The following FCHSD2 variants were observed in gnomAD, a reference collection of about 807,000 sequenced individuals.
FCHSD2 encodes the protein F-BAR and double SH3 domains protein 2.
Under a neutral mutation model 108.1 loss-of-function variants are expected in FCHSD2, and 38 were observed. The observed-to-expected ratio is 0.35, with a 90% CI of 0.27 to 0.46. The LOEUF (loss-of-function observed/expected upper bound fraction) is 0.46. Among genes scored for constraint, FCHSD2 ranks in the 20% least tolerant of loss-of-function variants. The pLI is 1.00. For missense variants in FCHSD2, 751 were observed against 897.8 expected (o/e 0.84, Z 2.09); for synonymous variants, 279 against 314.7 (o/e 0.89, Z 1.20).
rs772072509 is a variant in FCHSD2 at position 73,039,028 on chromosome 11, C to G, written c.166-23143G>C. Among the ~76,000 whole-genome samples, 9 of 152,108 alleles carry G rather than the reference C, an allele frequency of 5.9e-5. 1 individual carries two copies. Among genetic ancestry groups the G allele is most frequent in the Non-Finnish European group, 1.3e-4 (9 of 68,014 alleles). On this transcript the variant is annotated intron_variant, in intron 3 of 19. Coordinates refer to ENST00000409418, the MANE Select transcript of FCHSD2 (RefSeq NM_014824.3). ...TCAACTTAGTATCTTCCAAGTGTAT[C>G]TCCTTACTTCTTTCTAATATTACTT...
intron 2 of FCHSD2, among the ~76,000 whole-genome samples, chr11:73,084,214 A>C (rs1859762414): frequency 6.6e-6 from 1 of 152,226 alleles, no homozygotes. Context: ...AAACAATGTG[A>C]AAATCAAATT....
At chr11:72,957,438 G>A (rs1856735731) in intron 8 of FCHSD2, among the ~76,000 whole-genome samples, 1 of 150,430 alleles carries the variant, frequency 6.6e-6, no homozygotes. Flanking sequence ...TATCATTGTT[G>A]GACATTTGGG....
chr11:72,978,781 C>T (rs982508331), intron 8 of FCHSD2, among the ~76,000 whole-genome samples: 2 of 151,984 alleles, frequency 1.3e-5, no homozygotes, highest in African/African-American at 4.8e-5. Context: ...TTCCTGAGGC[C>T]TCCCCAGCCA....
rs958273250 is a variant in FCHSD2, at chr11:72,843,198, G to C, written c.1658C>G (p.Ser553Cys). The C allele has an allele frequency of 3.7e-6, 6 of 1,614,030 alleles. No individual in the cohort carries two copies. In the Middle Eastern group the frequency reaches 8.2e-4, roughly 222 times the overall value. The part of the protein sequence containing the change: ...LDSRSHTSSN[S>C]TEAELVSGSL... ...GCCTGAAACGAGTTCTGCTTCCGTG[G>C]AATTGCTGGACGTGTGTGACCGACT... The change falls in exon 16 of 20, where the codon TCC becomes TGC. Residue 553 changes from serine to cysteine, a missense_variant. Transcript: ENST00000409418.
At chr11:73,093,153 T>C (rs1859996255) in intron 2 of FCHSD2, among the ~76,000 whole-genome samples, 1 of 152,162 alleles carries the variant, frequency 6.6e-6, no homozygotes, top group Non-Finnish European at 1.5e-5. Context: ...GTGCATACTG[T>C]CACACATCAT....
At position 72,984,140 on chromosome 11, in the gene FCHSD2, G is replaced by A. The variant is rs767103870; in HGVS notation, c.653C>T (p.Ala218Val). The change falls in exon 8 of 20, where the codon GCA becomes GTA. Residue 218 changes from alanine to valine, a missense_variant. Coordinates refer to ENST00000409418, the MANE Select transcript of FCHSD2 (RefSeq NM_014824.3). ...RNDYLLTLAAANAHQDRYYQT... is the reference protein window; with the variant it reads ...RNDYLLTLAAVNAHQDRYYQT... The stretch of plus-strand genomic sequence containing the variant: ...ATAGTAGCGATCCTGATGTGCATTT[G>A]CTGCCGCTAGGGTAAGAAGATAATC... The A allele has an allele frequency of 1.2e-6, 2 of 1,613,304 alleles. No homozygotes were observed. Among genetic ancestry groups the A allele is most frequent in the East Asian group, 2.2e-5 (1 of 44,872 alleles).
chr11:72,902,923 T>C (rs1345992296), intron 9 of FCHSD2, among the ~76,000 whole-genome samples: 1 of 152,118 alleles, frequency 6.6e-6, no homozygotes, highest in African/African-American at 2.4e-5. Flanking sequence ...AGAAGATAGT[T>C]TTTACACAAA....
chr11:73,131,529 A>G (rs973305529), intron 2 of FCHSD2, among the ~76,000 whole-genome samples: 4 of 149,990 alleles, frequency 2.7e-5, no homozygotes, highest in Non-Finnish European at 6.0e-5. Flanking sequence ...ACTTCGTCTC[A>G]AAAAAAATAA....
At chr11:73,036,180 A>G (rs1447484785) in intron 3 of FCHSD2, among the ~76,000 whole-genome samples, 1 of 152,166 alleles carries the variant, frequency 6.6e-6, no homozygotes, top group Non-Finnish European at 1.5e-5. Flanking sequence ...TTGACTTCCA[A>G]GCTTCCCAGT....
chr11:72,966,008 C>T (rs746107271), intron 8 of FCHSD2, among the ~76,000 whole-genome samples: 2 of 151,780 alleles, frequency 1.3e-5, no homozygotes, highest in Non-Finnish European at 2.9e-5. Flanking sequence ...AACAATGAGG[C>T]AAGAGAAGAA....
At position 72,907,599 on chromosome 11, in the gene FCHSD2, GTTTTTTTT is replaced by G. The variant is rs35079551; in HGVS notation, c.829-4969_829-4962del. 1.7e-5 allele frequency among the ~76,000 whole-genome samples: 2 copies of G among 114,664 alleles called. 1 individual carries two copies. The highest frequency in any genetic ancestry group is 2.2e-4 in the Admixed American group (2 of 9,184). 75.2% of individuals were successfully genotyped at this position (114,664 alleles called of 152,430 possible). A position where few individuals can be genotyped will look rare whatever the true frequency, so the allele number is the denominator to read the frequency against. On this transcript the variant is annotated intron_variant, in intron 9 of 19. Transcript: ENST00000409418. ...TGCATCTATTGAGATAATCACGTGG[GTTTTTTTT>G]TTTTTTTTTTTTCTTGAGACGGAGT... is the stretch of plus-strand genomic sequence containing the variant.
intron 3 of FCHSD2, among the ~76,000 whole-genome samples, chr11:73,065,785 C>G (rs951541410): frequency 2.6e-5 from 4 of 152,036 alleles, no homozygotes; most frequent in Non-Finnish European, 5.9e-5. Flanking sequence ...ACCTAGGAAT[C>G]CAACTTACAA....
chr11:73,027,405 C>T (rs1858253994), intron 3 of FCHSD2, among the ~76,000 whole-genome samples: 1 of 152,102 alleles, frequency 6.6e-6, no homozygotes, highest in Admixed American at 6.6e-5. Flanking sequence ...GGGTATCTGG[C>T]AGAAGAAATT....
chr11:73,101,389 G>A (rs140830158), intron 2 of FCHSD2, among the ~76,000 whole-genome samples: 1 of 152,238 alleles, frequency 6.6e-6, no homozygotes, highest in Non-Finnish European at 1.5e-5. Flanking sequence ...CTGTACTGAG[G>A]TGGGAACTAC....
chr11:73,141,835 A>G (rs1193656952), intron 1 of FCHSD2, 22 bp downstream of exon 1: 5 of 1,542,282 alleles, frequency 3.2e-6, no homozygotes, highest in Non-Finnish European at 4.4e-6. Flanking sequence ...CGAACCCCAA[A>G]GCCCCCCAGC....
intron 12 of FCHSD2, among the ~76,000 whole-genome samples, chr11:72,874,613 A>C (rs1480973741): frequency 6.6e-6 from 1 of 152,228 alleles, no homozygotes; most frequent in Admixed American, 6.5e-5. Flanking sequence ...AAAAGAGAGA[A>C]GTATTCACTA....
intron 5 of FCHSD2, among the ~76,000 whole-genome samples, chr11:72,995,329 G>A (rs1399453188): frequency 6.6e-6 from 1 of 152,098 alleles, no homozygotes; most frequent in Non-Finnish European, 1.5e-5. Context: ...ATAAAGAAGT[G>A]CTAAACATTC....
rs1422559933 is a variant in FCHSD2, at chr11:72,840,896, G to A, written c.2120C>T (p.Ser707Leu). The A allele has an allele frequency of 1.2e-6, 2 of 1,612,210 alleles. No individual in the cohort carries two copies. Among genetic ancestry groups the A allele is most frequent in the African/African-American group, 2.7e-5 (2 of 74,932 alleles). ...SQASRHTPET[S>L]YGKLRPVRAA... ...ACTTACAGGTCGCAGTTTGCCATAT[G>A]AGGTCTCAGGAGTATGCCTTGATGC... The change falls in exon 19 of 20, where the codon TCA becomes TTA. Residue 707 changes from serine (S) to leucine (L), a missense_variant. Ser to Leu is a moderately radical substitution (Grantham distance 145). Coordinates refer to ENST00000409418, the MANE Select transcript of FCHSD2 (RefSeq NM_014824.3).
At chr11:72,888,672 T>G (rs7945119) in intron 11 of FCHSD2, among the ~76,000 whole-genome samples, 150,854 of 151,324 alleles carry the variant, frequency 1, 75,193 homozygotes, top group Middle Eastern at 1. Context: ...AGTCTGGAGT[T>G]CAGAGGCATG....
Sources: allele counts gnomAD v4.1 joint callset (sites outside exome capture counted in the v4.1 genomes callset), GRCh38; gene constraint gnomAD v4.1.1; transcripts MANE v1.5; gene names NCBI Gene and HGNC (gene_info 2026-07-23, HGNC 2026-07-21).